The following KCNK12 variants were observed in gnomAD, a reference collection of about 807,000 sequenced individuals.
KCNK12 encodes the protein potassium two pore domain channel subfamily K member 12.
Under a neutral mutation model 25.3 loss-of-function variants are expected in KCNK12, and 6 were observed. The ratio of observed to expected loss-of-function variants is 0.24; its 90% confidence interval spans 0.13 to 0.47. The LOEUF is 0.47. KCNK12 is among the 20% of genes least tolerant of loss of function. The pLI is 0.99. For synonymous variants in KCNK12, 331 were observed against 311.1 expected (o/e 1.06, Z -0.67); for missense variants, 444 against 661.7 (o/e 0.67, Z 3.61).
intron 1 of KCNK12, among the ~76,000 whole-genome samples, chr2:47,522,035 C>A (rs1668668886): frequency 6.6e-6 from 1 of 152,094 alleles, no homozygotes; most frequent in African/African-American, 2.4e-5. Flanking sequence ...GAGACATGGC[C>A]CTTCATCTTG....
At chr2:47,539,714 C>T (rs1669152514) in intron 1 of KCNK12, among the ~76,000 whole-genome samples, 1 of 152,088 alleles carries the variant, frequency 6.6e-6, no homozygotes, top group Non-Finnish European at 1.5e-5. Flanking sequence ...CACCGCTGTG[C>T]GGACGCCAGA....
Position 47,513,435 on chromosome 2 carries a change from AC to A in KCNK12, c.*7471del, listed in dbSNP as rs1483685506. ...CTCTTGGTTTTCTCCCATATCTCTG[AC>A]CCTCTTTCCTTAGTCTTTTTTCTTC... On this transcript the variant is annotated 3_prime_UTR_variant, in exon 2 of 2. Transcript: ENST00000327876. Among the ~76,000 whole-genome samples the A allele has an allele frequency of 6.6e-6, 1 of 151,744 alleles. No individual in the cohort carries two copies.
Position 47,525,167 on chromosome 2 carries a change from C to G in KCNK12, c.392-3359G>C, listed in dbSNP as rs1668741921. Among the ~76,000 whole-genome samples the G allele has an allele frequency of 1.3e-5, 2 of 152,290 alleles. No individual in the cohort carries two copies. The highest frequency in any genetic ancestry group is 4.1e-4 in the South Asian group (2 of 4,824). Reference sequence around the variant, plus strand: ...TGCTGGACTTAATAAAACAGCAAAACAGGTCTGGGGCTAGCAACCCCCCAC... The same window carrying G: ...TGCTGGACTTAATAAAACAGCAAAAGAGGTCTGGGGCTAGCAACCCCCCAC... On this transcript the variant is annotated intron_variant, in intron 1 of 1. Coordinates refer to ENST00000327876, the MANE Select transcript of KCNK12 (RefSeq NM_022055.2). The surrounding 1 kb of genome is among the most constrained non-coding windows in gnomAD (Gnocchi z 4.1).
At position 47,570,480 on chromosome 2, in the gene KCNK12, T is replaced by TCGCAGAGCCCCTCGTTGCCTG; in HGVS notation, c.-150_-149insCAGGCAACGAGGGGCTCTGCG. 1.2e-6 allele frequency: 1 copy of TCGCAGAGCCCCTCGTTGCCTG among 819,694 alleles called. No homozygotes were observed. The highest frequency in any genetic ancestry group is 1.6e-6 in the Non-Finnish European group (1 of 626,968). 50.8% of individuals were successfully genotyped at this position (819,694 alleles called of 1,614,324 possible). A position where few individuals can be genotyped will look rare whatever the true frequency, so the allele number is the denominator to read the frequency against. On this transcript the variant is annotated 5_prime_UTR_variant, in exon 1 of 2. Transcript: ENST00000327876. ...GCCTTCGCAGAGCCCCTCGTCGCCT[T>TCGCAGAGCCCCTCGTTGCCTG]CCCAGAGCCCGGACAGAGGGGCGCC...
chr2:47,532,278 CTGCT>C (rs1044775502), intron 1 of KCNK12, among the ~76,000 whole-genome samples: 3 of 150,452 alleles, frequency 2.0e-5, no homozygotes, highest in African/African-American at 4.9e-5. Context: ...CTTGGGCCAC[CTGCT>C]TGAGTCTGCT....
At position 47,514,337 on chromosome 2, in the gene KCNK12, C is replaced by T. The variant is rs1003851012; in HGVS notation, c.*6570G>A. Among the ~76,000 whole-genome samples, 6 of 152,208 alleles carry T rather than the reference C, an allele frequency of 3.9e-5. No homozygotes were observed. The highest frequency in any genetic ancestry group is 1.5e-5 in the Non-Finnish European group (1 of 68,024). On this transcript the variant is annotated 3_prime_UTR_variant, in exon 2 of 2. Transcript: ENST00000327876. The surrounding 1 kb of genome is among the most constrained non-coding windows in gnomAD (Gnocchi z 5.0). ...CCCTCAGCAGGCCGTACTGCAGCGC[C>T]CTGCCCCCGTCAGCCTCCAGGAGCC...
In KCNK12 at chr2:47,525,185, C is replaced by T. The variant is rs1183726865; in HGVS notation, c.392-3377G>A. Reference sequence around the variant, plus strand: ...AGCAAAACAGGTCTGGGGCTAGCAACCCCCCACACCCCCACCTCCAGGCTG... The same window carrying T: ...AGCAAAACAGGTCTGGGGCTAGCAATCCCCCACACCCCCACCTCCAGGCTG... On this transcript the variant is annotated intron_variant, in intron 1 of 1. Coordinates refer to ENST00000327876, the MANE Select transcript of KCNK12 (RefSeq NM_022055.2). This position sits in a 1 kb window ranked among gnomAD's most constrained non-coding sequence, Gnocchi z 4.1. Among the ~76,000 whole-genome samples the T allele has an allele frequency of 4.6e-5, 7 of 152,218 alleles. No individual in the cohort carries two copies. Among genetic ancestry groups the T allele is most frequent in the South Asian group, 2.1e-4 (1 of 4,830 alleles).
At chr2:47,524,338 A>T (rs1668723809) in intron 1 of KCNK12, among the ~76,000 whole-genome samples, 1 of 152,234 alleles carries the variant, frequency 6.6e-6, no homozygotes, top group Non-Finnish European at 1.5e-5. Flanking sequence ...CAACTAAATG[A>T]TTGTCTATTC....
Position 47,533,294 on chromosome 2 carries a change from C to T in KCNK12, c.392-11486G>A, listed in dbSNP as rs116898607. Among the ~76,000 whole-genome samples, 189 of 152,228 alleles carry T rather than the reference C, an allele frequency of 1.2e-3. 4 individuals are homozygous for T. The East Asian group carries it at 0.035, about 28-fold the overall frequency. ...CCAAAGTGCTGGGATTACATGAGTG[C>T]GCCACTGTGCCCGGCCCACTGCCCT... On this transcript the variant is annotated intron_variant, in intron 1 of 1. Coordinates refer to ENST00000327876, the MANE Select transcript of KCNK12 (RefSeq NM_022055.2). This position sits in a 1 kb window ranked among gnomAD's most constrained non-coding sequence, Gnocchi z 4.7.
chr2:47,532,956 T>C (rs1376670724), intron 1 of KCNK12, among the ~76,000 whole-genome samples: 4 of 152,204 alleles, frequency 2.6e-5, no homozygotes, highest in Non-Finnish European at 4.4e-5. Context: ...ACACATTCCT[T>C]ACCTTCTCGG....
rs895940492 is a variant in KCNK12, at chr2:47,540,713, G to A, written c.392-18905C>T. On this transcript the variant is annotated intron_variant, in intron 1 of 1. Coordinates refer to ENST00000327876, the MANE Select transcript of KCNK12 (RefSeq NM_022055.2). This position sits in a 1 kb window ranked among gnomAD's most constrained non-coding sequence, Gnocchi z 5.4. Reference sequence around the variant, plus strand: ...GGCCAAGGCAGGGGGATTGCTTGAGGCCAGGAGTTTGGGACCAGCCTGGGC... The same window carrying A: ...GGCCAAGGCAGGGGGATTGCTTGAGACCAGGAGTTTGGGACCAGCCTGGGC... Among the ~76,000 whole-genome samples the A allele has an allele frequency of 7.9e-5, 12 of 152,172 alleles. No individual in the cohort carries two copies. The highest frequency in any genetic ancestry group is 4.4e-5 in the Non-Finnish European group (3 of 68,032).
Position 47,570,538 on chromosome 2 carries a change from G to A in KCNK12, c.-207C>T, listed in dbSNP as rs1199407251. 7.5e-6 allele frequency: 3 copies of A among 397,768 alleles called. No homozygotes were observed. Among genetic ancestry groups the A allele is most frequent in the Non-Finnish European group, 1.2e-5 (3 of 247,208 alleles). The allele number at this position is 397,768 out of a possible 1,614,324, so 24.6% of individuals were successfully genotyped here. On this transcript the variant is annotated 5_prime_UTR_variant, in exon 1 of 2. Coordinates refer to ENST00000327876, the MANE Select transcript of KCNK12 (RefSeq NM_022055.2). The stretch of plus-strand genomic sequence containing the variant: ...CCTCCCCGGCGCTCAGGCCACACGC[G>A]AGTCCCGTGGCCCAGCGGGTGCCCG...
chr2:47,556,851 G>A lies in KCNK12; in HGVS notation c.391+13090C>T, dbSNP rs1372306416. Reference sequence around the variant, plus strand: ...GAGGATGGGAGCTGGAAGCATGGGAGGTGGTGGTCAGAGGTGAGATGTTTA... The same window carrying A: ...GAGGATGGGAGCTGGAAGCATGGGAAGTGGTGGTCAGAGGTGAGATGTTTA... On this transcript the variant is annotated intron_variant, in intron 1 of 1. Transcript: ENST00000327876. This position sits in a 1 kb window ranked among gnomAD's most constrained non-coding sequence, Gnocchi z 4.8. Among the ~76,000 whole-genome samples, 1 of 152,228 alleles carries A rather than the reference G, an allele frequency of 6.6e-6. No homozygotes were observed. The highest frequency in any genetic ancestry group is 1.5e-5 in the Non-Finnish European group (1 of 68,048).
chr2:47,564,649 A>G (rs1022490355), intron 1 of KCNK12: 2 of 180,248 alleles, frequency 1.1e-5, no homozygotes, highest in East Asian at 9.2e-5. Flanking sequence ...ACGTGCAGAC[A>G]TGAAGAGTTG....
chr2:47,536,820 A>G (rs1669080253), intron 1 of KCNK12, among the ~76,000 whole-genome samples: 1 of 152,230 alleles, frequency 6.6e-6, no homozygotes, highest in South Asian at 2.1e-4. Flanking sequence ...AAGTACTTCT[A>G]TGACTGGGCA....
At chr2:47,559,930 G>T (rs369663433) in intron 1 of KCNK12, among the ~76,000 whole-genome samples, 53 of 152,338 alleles carry the variant, frequency 3.5e-4, no homozygotes, top group African/African-American at 1.2e-3. Flanking sequence ...CAGCCTAGAG[G>T]CTTAAAGTGC....
chr2:47,565,387 A>G lies in KCNK12; in HGVS notation c.391+4554T>C, dbSNP rs1324344372. On this transcript the variant is annotated intron_variant, in intron 1 of 1. Coordinates refer to ENST00000327876, the MANE Select transcript of KCNK12 (RefSeq NM_022055.2). This position sits in a 1 kb window ranked among gnomAD's most constrained non-coding sequence, Gnocchi z 5.0. ...AAAATCCATGTTGAAAAAGAGGGAA[A>G]AAGTTAGGACTTGTTACTAATCTCG... 3 of 152,220 alleles carry G rather than the reference A, an allele frequency of 2.0e-5. No individual in the cohort carries two copies. Among genetic ancestry groups the G allele is most frequent in the East Asian group, 3.8e-4 (2 of 5,206 alleles). The allele number at this position is 152,220 out of a possible 1,614,324, so 9.4% of individuals were successfully genotyped here.
chr2:47,570,316 G>T lies in KCNK12; in HGVS notation c.16C>A (p.Pro6Thr). 2.2e-6 allele frequency: 3 copies of T among 1,333,930 alleles called. 1 individual carries two copies. In the South Asian group the frequency reaches 5.5e-5, roughly 25 times the overall value. The allele number at this position is 1,333,930 out of a possible 1,614,324, so 82.6% of individuals were successfully genotyped here. The change falls in exon 1 of 2, where the codon CCC becomes ACC. Residue 6 changes from proline (P) to threonine (T), a missense_variant. Pro to Thr is a conservative substitution (Grantham distance 38, BLOSUM62 -1). Transcript: ENST00000327876. MSSRS[P>T]RPPPRRSRRR... ...CGGCTACGGCGGGGCGGGGGCCGGG[G>T]GCTGCGGGAGGACATGGTCCGGAGC...
chr2:47,536,507 T>G (rs1031881299), intron 1 of KCNK12, among the ~76,000 whole-genome samples: 3 of 152,180 alleles, frequency 2.0e-5, no homozygotes, highest in African/African-American at 7.2e-5. Flanking sequence ...CCATCTTAGT[T>G]TCAGTTAACT....
Sources: allele counts gnomAD v4.1 joint callset (sites outside exome capture counted in the v4.1 genomes callset), GRCh38; gene constraint gnomAD v4.1.1; non-coding constraint Gnocchi (gnomAD v3.1); transcripts MANE v1.5; gene names NCBI Gene and HGNC (gene_info 2026-07-23, HGNC 2026-07-21).